The following TTC6 variants were observed in gnomAD, a reference collection of about 807,000 sequenced individuals.
The protein encoded by TTC6 is tetratricopeptide repeat domain 6.
Under a neutral mutation model 210.4 loss-of-function variants are expected in TTC6, and 172 were observed. The observed-to-expected ratio is 0.82, with a 90% CI of 0.72 to 0.93. The LOEUF is 0.93. Ranked by LOEUF, TTC6 falls within the 40% of genes least tolerant of loss-of-function variation. TTC6 has a pLI of 0.00. For synonymous variants in TTC6, 804 were observed against 819.6 expected, an observed-to-expected ratio of 0.98 and a Z score of 0.32; for missense variants, 2,414 against 2,318.1, an observed-to-expected ratio of 1.04 and a Z score of -0.85.
chr14:37,714,667 A>G (rs1010138256), exon 6 of TTC6: 3 of 1,535,082 alleles, frequency 2.0e-6, no homozygotes, highest in African/African-American at 1.4e-5. Context: ...TATTGTATGG[A>G]ATTCCTGTTA....
intron 14 of TTC6, among the ~76,000 whole-genome samples, 173 bp from the exon 17 acceptor site, chr14:37,787,295 T>C (rs1157952209): frequency 6.6e-6 from 1 of 152,226 alleles, no homozygotes; most frequent in Non-Finnish European, 1.5e-5. Flanking sequence ...TGTACTTCAA[T>C]TTATAAAAAG....
chr14:37,689,464 A>G (rs1478338936), intron 3 of TTC6, among the ~76,000 whole-genome samples: 1 of 152,186 alleles, frequency 6.6e-6, no homozygotes, highest in Non-Finnish European at 1.5e-5. Context: ...TCCAAGTACA[A>G]GAAGGCTATA....
In TTC6 at chr14:37,841,624, C is replaced by G. The variant is rs776332407; in HGVS notation, c.5478C>G (p.Tyr1826Ter). The change falls in exon 30 of 31, where the codon TAC becomes TAG. Residue 1826 changes from tyrosine to a stop codon, truncating the protein, a stop_gained. Coordinates refer to ENST00000553443, the Ensembl canonical transcript of TTC6. LOFTEE classifies it high-confidence loss of function. ...TATATTTTAATAGAGCACATTTCTACTACTGCTTAAAGCAATATGAACTAG... is the reference window on the plus strand; with the variant it reads ...TATATTTTAATAGAGCACATTTCTAGTACTGCTTAAAGCAATATGAACTAG... 1.4e-5 allele frequency: 22 copies of G among 1,603,546 alleles called. No homozygotes were observed. Among genetic ancestry groups the G allele is most frequent in the Non-Finnish European group, 1.9e-5 (22 of 1,177,756 alleles).
At chr14:37,817,601 A>G (rs1449852507) in exon 26 of TTC6, 3 of 1,613,938 alleles carry the variant, frequency 1.9e-6, no homozygotes, top group Non-Finnish European at 2.5e-6. Flanking sequence ...CTGCACTGAT[A>G]AGCCGGACTA....
intron 14 of TTC6, among the ~76,000 whole-genome samples, chr14:37,758,212 T>G (rs2095973697): frequency 6.6e-6 from 1 of 152,200 alleles, no homozygotes; most frequent in African/African-American, 2.4e-5. Flanking sequence ...GGCCCAGAGC[T>G]GAGTTCAAGT....
intron 25 of TTC6, among the ~76,000 whole-genome samples, chr14:37,813,434 G>T (rs1023941281): frequency 7.2e-5 from 11 of 152,128 alleles, no homozygotes; most frequent in African/African-American, 2.7e-4. Flanking sequence ...AGTGGAGGTG[G>T]GGAACAAGGG....
At chr14:37,811,249 A>G (rs185933165) in intron 24 of TTC6, among the ~76,000 whole-genome samples, 1 of 152,324 alleles carries the variant, frequency 6.6e-6, no homozygotes, top group African/African-American at 2.4e-5. Flanking sequence ...TAGTAAAAGA[A>G]AAATGTTAGA....
intron 14 of TTC6, among the ~76,000 whole-genome samples, chr14:37,780,016 C>A (rs753944527): frequency 6.6e-6 from 1 of 151,874 alleles, no homozygotes; most frequent in Non-Finnish European, 1.5e-5. Flanking sequence ...GAATTACTGA[C>A]GAAGTTGAAA....
At chr14:37,797,614 T>G (rs1449548307) in intron 20 of TTC6, among the ~76,000 whole-genome samples, 2 of 152,014 alleles carry the variant, frequency 1.3e-5, no homozygotes, top group Non-Finnish European at 2.9e-5. Context: ...TGTCTTCTGA[T>G]GAACAAAACT....
chr14:37,786,616 G>A (rs1261241627), intron 14 of TTC6, among the ~76,000 whole-genome samples: 3 of 152,172 alleles, frequency 2.0e-5, no homozygotes, highest in African/African-American at 7.2e-5. Context: ...CACTGTCCGT[G>A]GGCTGCACCC....
rs569210343 is a variant in TTC6 at position 37,762,366 on chromosome 14, G to A, written c.3266+9131G>A. Among the ~76,000 whole-genome samples the A allele has an allele frequency of 5.9e-5, 9 of 152,196 alleles. No homozygotes were observed. In the South Asian group the frequency reaches 1.7e-3, roughly 28 times the overall value. Reference sequence around the variant, plus strand: ...CAGAAGTGGATTGCTGGACCATATGGTGACTCTATTTTTAGTTTTTAAGGC... The same window carrying A: ...CAGAAGTGGATTGCTGGACCATATGATGACTCTATTTTTAGTTTTTAAGGC... On this transcript the variant is annotated intron_variant, in intron 14 of 30. Coordinates refer to ENST00000553443, the Ensembl canonical transcript of TTC6.
At chr14:37,809,711 G>A (rs79549376) in intron 24 of TTC6, among the ~76,000 whole-genome samples, 2,176 of 152,224 alleles carry the variant, frequency 0.014, 63 homozygotes, top group African/African-American at 0.048. Flanking sequence ...CCTGTGGGCT[G>A]CAGCAAACCT....
At chr14:37,663,003 A>AT (rs375534221) in intron 1 of TTC6, among the ~76,000 whole-genome samples, 15 of 149,370 alleles carry the variant, frequency 1.0e-4, no homozygotes, top group East Asian at 3.9e-4. Flanking sequence ...AATGATATTG[A>AT]TTTTTTTTTT....
chr14:37,785,427 C>T (rs2096065278), intron 14 of TTC6, among the ~76,000 whole-genome samples: 1 of 152,170 alleles, frequency 6.6e-6, no homozygotes, highest in Admixed American at 6.6e-5. Context: ...GAAGCTTGTG[C>T]ATGCATCACG....
chr14:37,664,607 G>T lies in TTC6; in HGVS notation c.940-15544G>T, dbSNP rs1011970504. ...GAGGTATGGGCAAAGATTTCAAGAT[G>T]AAAATGCCAAAAGCAATTGCAACAA... On this transcript the variant is annotated intron_variant, in intron 1 of 30. Coordinates refer to ENST00000553443, the Ensembl canonical transcript of TTC6. Among the ~76,000 whole-genome samples, 16 of 150,458 alleles carry T rather than the reference G, an allele frequency of 1.1e-4. 1 individual carries two copies. The highest frequency in any genetic ancestry group is 2.1e-4 in the Non-Finnish European group (14 of 67,044).
intron 1 of TTC6, among the ~76,000 whole-genome samples, chr14:37,599,602 T>C (rs944071946): frequency 6.6e-5 from 10 of 152,176 alleles, no homozygotes; most frequent in Non-Finnish European, 1.3e-4. Flanking sequence ...CGCAGCCGGA[T>C]GTCGGAGCCG....
chr14:37,660,325 C>T (rs1410789496), intron 1 of TTC6, among the ~76,000 whole-genome samples: 3 of 152,114 alleles, frequency 2.0e-5, no homozygotes, highest in African/African-American at 4.8e-5. Context: ...CCTGTCAACC[C>T]ATCACTTAGG....
chr14:37,646,047 G>T (rs2095701052), intron 1 of TTC6, among the ~76,000 whole-genome samples: 1 of 152,140 alleles, frequency 6.6e-6, no homozygotes, highest in Non-Finnish European at 1.5e-5. Flanking sequence ...TCTACCCATA[G>T]TGAATCTCTT....
At chr14:37,700,824 C>G (rs890103973) in intron 4 of TTC6, among the ~76,000 whole-genome samples, 4 of 139,228 alleles carry the variant, frequency 2.9e-5, no homozygotes, top group African/African-American at 1.1e-4. Context: ...AAGAGAGATA[C>G]AAGTCCAAGC....
Sources: allele counts gnomAD v4.1 joint callset (sites outside exome capture counted in the v4.1 genomes callset), GRCh38; gene constraint gnomAD v4.1.1; transcripts MANE v1.5; gene names NCBI Gene and HGNC (gene_info 2026-07-23, HGNC 2026-07-21).